The following VWA3B variants were observed in gnomAD, a reference collection of about 807,000 sequenced individuals.
VWA3B encodes von Willebrand factor A domain containing 3B, also known as von Willebrand factor A domain-containing protein 3B.
In VWA3B, 138 loss-of-function variants were observed where a neutral mutation model predicts 158.3. The observed-to-expected ratio is 0.87, with a 90% CI of 0.76 to 1.00. The LOEUF (loss-of-function observed/expected upper bound fraction) is 1.00. VWA3B is among the 50% of genes least tolerant of loss of function. The probability of loss-of-function intolerance (pLI) is 0.00; values close to 1 mark genes in which losing one functional copy is unlikely to be tolerated. For missense variants in VWA3B, 1,555 were observed against 1,565.1 expected (o/e 0.99, Z 0.11); for synonymous variants, 596 against 587.3 (o/e 1.01, Z -0.21).
chr2:98,125,688 C>T lies in VWA3B; in HGVS notation c.703-2551C>T, dbSNP rs1012571158. Among the ~76,000 whole-genome samples, 2 of 151,868 alleles carry T rather than the reference C, an allele frequency of 1.3e-5. No individual in the cohort carries two copies. The highest frequency in any genetic ancestry group is 4.8e-5 in the African/African-American group (2 of 41,416). On this transcript the variant is annotated intron_variant, in intron 5 of 27. Transcript: ENST00000477737. This position sits in a 1 kb window ranked among gnomAD's most constrained non-coding sequence, Gnocchi z 4.1. ...TCTTTTCTTTCTTTTTTTTTGAAAC[C>T]GAGTCTCGCTCTGTCGCCCAGGCTG...
At chr2:98,222,358 A>G (rs747634869) in intron 14 of VWA3B, among the ~76,000 whole-genome samples, 4 of 152,238 alleles carry the variant, frequency 2.6e-5, no homozygotes, top group Non-Finnish European at 4.4e-5. Context: ...GATCTGTAAC[A>G]GTCCCCACAC....
chr2:98,199,425 TG>T (rs1682341315), intron 12 of VWA3B, among the ~76,000 whole-genome samples: 1 of 152,180 alleles, frequency 6.6e-6, no homozygotes, highest in Non-Finnish European at 1.5e-5. Context: ...CCAAGGCTTT[TG>T]GGTCAGAGAC....
At chr2:98,105,052 CA>C (rs1326507889) in intron 2 of VWA3B, among the ~76,000 whole-genome samples, 4 of 152,174 alleles carry the variant, frequency 2.6e-5, no homozygotes, top group Admixed American at 2.6e-4. Context: ...GAAAACTATA[CA>C]CTGCTAAGAT....
At chr2:98,303,421 GGTGT>G (rs58157632) in intron 25 of VWA3B, among the ~76,000 whole-genome samples, 3,639 of 146,566 alleles carry the variant, frequency 0.025, 179 homozygotes, top group Admixed American at 0.12. Flanking sequence ...GTTATGTGAA[GGTGT>G]GTGTGTGTGT....
intron 25 of VWA3B, 151 bp from the exon 26 acceptor site, chr2:98,303,551 G>A (rs1690329899): frequency 3.0e-6 from 2 of 670,100 alleles, no homozygotes; most frequent in East Asian, 5.6e-5. Context: ...ATTGTCAAGT[G>A]AGGGTCTGAA....
rs1490381182 is a variant in VWA3B, at chr2:98,312,471, T to A, written c.*122T>A. The A allele has an allele frequency of 4.9e-6, 6 of 1,228,534 alleles. No individual in the cohort carries two copies. Among genetic ancestry groups the A allele is most frequent in the Non-Finnish European group, 6.6e-6 (6 of 905,580 alleles). 76.1% of individuals were successfully genotyped at this position (1,228,534 alleles called of 1,614,324 possible). A position where few individuals can be genotyped will look rare whatever the true frequency, so the allele number is the denominator to read the frequency against. ...GGCCGCCCTCCGCGCCGCCTATGCC[T>A]GCCCTGTCTGTAGCAAAGACTCCTC... On this transcript the variant is annotated 3_prime_UTR_variant, in exon 28 of 28. Coordinates refer to ENST00000477737, the MANE Select transcript of VWA3B (RefSeq NM_144992.5).
intron 1 of VWA3B, among the ~76,000 whole-genome samples, chr2:98,090,280 T>G (rs1682185517): frequency 1.3e-5 from 2 of 152,208 alleles, no homozygotes; most frequent in Admixed American, 6.5e-5. Context: ...TGTTCTGTGA[T>G]TCTAAACTTT....
At chr2:98,093,664 C>G (rs1682514723) in intron 2 of VWA3B, among the ~76,000 whole-genome samples, 1 of 151,838 alleles carries the variant, frequency 6.6e-6, no homozygotes, top group South Asian at 2.1e-4. Context: ...GAACACTTAC[C>G]CACTCTTTCT....
chr2:98,155,344 A>G (rs1287027071), intron 7 of VWA3B, among the ~76,000 whole-genome samples: 1 of 152,230 alleles, frequency 6.6e-6, no homozygotes, highest in African/African-American at 2.4e-5. Flanking sequence ...AACACACAAC[A>G]GATGGGTTTG....
chr2:98,238,787 A>G (rs184061515), intron 19 of VWA3B, among the ~76,000 whole-genome samples: 65 of 152,334 alleles, frequency 4.3e-4, no homozygotes, highest in African/African-American at 1.2e-3. Context: ...GTATCAGTAT[A>G]AAGCACCGTG....
chr2:98,322,023 C>T, the VWA3B span, among the ~76,000 whole-genome samples: 3 of 152,148 alleles, frequency 2.0e-5, no homozygotes, highest in African/African-American at 4.8e-5. Flanking sequence ...GGGGAGTTCC[C>T]TGCACATGCT....
chr2:98,245,810 C>T (rs1686356385), intron 19 of VWA3B, among the ~76,000 whole-genome samples: 1 of 152,068 alleles, frequency 6.6e-6, no homozygotes, highest in Non-Finnish European at 1.5e-5. Flanking sequence ...TGAGACTGAT[C>T]CTTTTTTTCT....
intron 12 of VWA3B, chr2:98,206,403 C>T: frequency 3.9e-6 from 1 of 257,914 alleles, no homozygotes; most frequent in Non-Finnish European, 8.1e-6. Context: ...TTTAAATGCC[C>T]AGCAAGTACA....
At chr2:98,184,149 C>T (rs568730099) in intron 9 of VWA3B, among the ~76,000 whole-genome samples, 6 of 152,278 alleles carry the variant, frequency 3.9e-5, no homozygotes, top group East Asian at 1.9e-4. Context: ...CATTCTGACA[C>T]GCTGCTGCCT....
chr2:98,215,728 G>A (rs922880611), intron 13 of VWA3B, among the ~76,000 whole-genome samples: 2 of 152,046 alleles, frequency 1.3e-5, no homozygotes, highest in Non-Finnish European at 2.9e-5. Flanking sequence ...GTGTTAGCCA[G>A]AATGGTCTTG....
chr2:98,094,887 C>T (rs1682605338), intron 2 of VWA3B, among the ~76,000 whole-genome samples: 1 of 152,134 alleles, frequency 6.6e-6, no homozygotes, highest in East Asian at 1.9e-4. Context: ...GTCCTTTCCC[C>T]ATTGTGTGTT....
At chr2:98,251,585 C>T (rs886070953) in intron 20 of VWA3B, among the ~76,000 whole-genome samples, 47 of 152,268 alleles carry the variant, frequency 3.1e-4, no homozygotes, top group African/African-American at 9.6e-5. Flanking sequence ...GTCCTCGGTT[C>T]TGGGAACTGT....
intron 12 of VWA3B, chr2:98,206,117 T>C (rs1403952724): frequency 1.3e-5 from 2 of 152,246 alleles, no homozygotes; most frequent in Admixed American, 6.5e-5. Context: ...GAGCGGGATA[T>C]TGGGCAACAC....
At chr2:98,234,918 C>T (rs1432203714) in intron 17 of VWA3B, 151 bp downstream of exon 17, 3 of 1,246,402 alleles carry the variant, frequency 2.4e-6, no homozygotes, top group Non-Finnish European at 3.3e-6. Context: ...TAAGTCAGGT[C>T]TGCCTGCTTT....
Sources: gnomAD v4.1 joint callset for allele counts (sites outside exome capture counted in the v4.1 genomes callset) on GRCh38, gnomAD v4.1.1 for gene constraint, Gnocchi (gnomAD v3.1) non-coding constraint, MANE v1.5 for transcripts, NCBI Gene and HGNC (gene_info 2026-07-23, HGNC 2026-07-21) for gene names.